The following ROBO1 variants were observed in gnomAD, a reference collection of about 807,000 sequenced individuals.
ROBO1 encodes roundabout homolog 1.
A neutral mutation model predicts 195.9 loss-of-function variants in ROBO1; 149 were observed. The observed-to-expected ratio is 0.76, with a 90% CI of 0.67 to 0.87. The LOEUF is 0.87. ROBO1 is among the 40% of genes least tolerant of loss of function. ROBO1 has a pLI of 0.00. For missense variants in ROBO1, 1,933 were observed against 2,068.3 expected, an observed-to-expected ratio of 0.93 and a Z score of 1.27; for synonymous variants, 816 against 733.2, an observed-to-expected ratio of 1.11 and a Z score of -1.82.
chr3:78,617,871 C>T lies in ROBO1; in HGVS notation c.4046G>A (p.Arg1349His), dbSNP rs752592436. The T allele has an allele frequency of 4.3e-6, 7 of 1,613,866 alleles. No individual in the cohort carries two copies. In the East Asian group the frequency reaches 1.1e-4, roughly 26 times the overall value. ...AKMQTRRLLL[R>H]GLEQTPASSV... ...GGAGGCAGGTGTCTGCTCAAGCCCA[C>T]GTAACAAAAGCCTTCTGGTTTGCAT... Residue 1349 changes from arginine to histidine, a missense_variant, in exon 27 of 31, where the codon CGT becomes CAT. This residue lies in a region of ROBO1 where 1,737 missense variants were observed against 1,882.5 expected (regional missense o/e 0.92). Transcript: ENST00000464233.
chr3:79,349,735 A>T (rs1237699068), intron 2 of ROBO1, among the ~76,000 whole-genome samples: 1 of 152,180 alleles, frequency 6.6e-6, no homozygotes, highest in Non-Finnish European at 1.5e-5. Context: ...TTTTCAACAA[A>T]TGGTTCAGGG....
At chr3:78,963,734 G>A (rs2107855498) in intron 3 of ROBO1, among the ~76,000 whole-genome samples, 1 of 151,882 alleles carries the variant, frequency 6.6e-6, no homozygotes, top group South Asian at 2.1e-4. Context: ...AGCCAGGATG[G>A]TCTCGATCTC....
At chr3:78,887,791 A>T (rs1178046503) in intron 4 of ROBO1, among the ~76,000 whole-genome samples, 1 of 152,128 alleles carries the variant, frequency 6.6e-6, no homozygotes, top group African/African-American at 2.4e-5. Flanking sequence ...ATCTGAATAA[A>T]ATCAGCTCAA....
intron 2 of ROBO1, among the ~76,000 whole-genome samples, chr3:79,229,841 G>A (rs898055968): frequency 6.6e-6 from 1 of 151,984 alleles, no homozygotes; most frequent in Non-Finnish European, 1.5e-5. Context: ...TATCTATGAT[G>A]ACCTTAATTC....
intron 3 of ROBO1, among the ~76,000 whole-genome samples, chr3:79,071,780 T>A (rs1182741175): frequency 6.6e-6 from 1 of 151,450 alleles, no homozygotes; most frequent in Non-Finnish European, 1.5e-5. Flanking sequence ...TGCTTTACCA[T>A]TGTATTCTCA....
At chr3:78,607,764 A>G (rs578153233) in intron 28 of ROBO1, among the ~76,000 whole-genome samples, 3 of 152,250 alleles carry the variant, frequency 2.0e-5, no homozygotes, top group Non-Finnish European at 4.4e-5. Flanking sequence ...CTTATTTGCC[A>G]TCTCTAATCT....
intron 3 of ROBO1, among the ~76,000 whole-genome samples, chr3:79,098,798 T>A (rs1000935708): frequency 6.6e-6 from 1 of 151,852 alleles, no homozygotes; most frequent in African/African-American, 2.4e-5. Context: ...TAATTAATTT[T>A]TTCAGATTTA....
chr3:78,627,570 C>G lies in ROBO1; in HGVS notation c.3627-1G>C. 6.2e-7 allele frequency: 1 copy of G among 1,607,618 alleles called. No homozygotes were observed. Among genetic ancestry groups the G allele is most frequent in the Non-Finnish European group, 8.5e-7 (1 of 1,176,774 alleles). On this transcript the variant is annotated splice_acceptor_variant, in intron 25 of 30. Transcript: ENST00000464233. LOFTEE classifies it high-confidence loss of function. ...GGGACATGGCATTTCTTGGTCATAGCTAAAATAAATGATAAGGATGTGTAG... is the reference window on the plus strand; with the variant it reads ...GGGACATGGCATTTCTTGGTCATAGGTAAAATAAATGATAAGGATGTGTAG...
Position 78,815,977 on chromosome 3 carries a change from G to C in ROBO1, c.500-69077C>G, listed in dbSNP as rs372140169. ...TCCAGAAGACCTAGCTAAGATAACCGATGAAGGTGGCTACAGTAAGCAACA... is the reference window on the plus strand; with the variant it reads ...TCCAGAAGACCTAGCTAAGATAACCCATGAAGGTGGCTACAGTAAGCAACA... On this transcript the variant is annotated intron_variant, in intron 4 of 30. Transcript: ENST00000464233. 5.3e-5 allele frequency among the ~76,000 whole-genome samples: 8 copies of C among 152,206 alleles called. No homozygotes were observed. In the East Asian group the frequency reaches 1.5e-3, roughly 29 times the overall value.
intron 4 of ROBO1, among the ~76,000 whole-genome samples, chr3:78,869,276 T>C (rs1234037813): frequency 1.3e-5 from 2 of 152,202 alleles, no homozygotes; most frequent in African/African-American, 4.8e-5. Context: ...TAATATCATA[T>C]GGGTTGACTC....
chr3:78,869,090 T>C (rs969622443), intron 4 of ROBO1, among the ~76,000 whole-genome samples: 3 of 152,288 alleles, frequency 2.0e-5, no homozygotes, highest in East Asian at 1.9e-4. Flanking sequence ...ATAAGCATTA[T>C]AGTTTTTTTT....
chr3:78,817,742 C>A (rs914330752), intron 4 of ROBO1, among the ~76,000 whole-genome samples: 1 of 152,008 alleles, frequency 6.6e-6, no homozygotes, highest in African/African-American at 2.4e-5. Flanking sequence ...TCTGGAGGTC[C>A]TAAAAAATAG....
At chr3:78,785,573 AC>A (rs1158763846) in intron 4 of ROBO1, among the ~76,000 whole-genome samples, 2 of 152,180 alleles carry the variant, frequency 1.3e-5, no homozygotes, top group African/African-American at 4.8e-5. Flanking sequence ...AAATCTCCTT[AC>A]AAATTCTGGC....
chr3:79,414,577 C>A (rs950468911), intron 2 of ROBO1, among the ~76,000 whole-genome samples: 11 of 152,034 alleles, frequency 7.2e-5, no homozygotes, highest in Non-Finnish European at 1.2e-4. Context: ...AATAAAGAAA[C>A]CTCATTACAT....
At chr3:79,306,930 G>A (rs1445966941) in intron 2 of ROBO1, among the ~76,000 whole-genome samples, 1 of 152,160 alleles carries the variant, frequency 6.6e-6, no homozygotes, top group Non-Finnish European at 1.5e-5. Flanking sequence ...GATTATTCAA[G>A]GGGAAATCTG....
At chr3:79,657,393 T>C (rs1456680194) in intron 1 of ROBO1, among the ~76,000 whole-genome samples, 4 of 152,118 alleles carry the variant, frequency 2.6e-5, no homozygotes, top group Non-Finnish European at 4.4e-5. Context: ...CCTATCCTCT[T>C]GCTTCCAGTG....
intron 3 of ROBO1, among the ~76,000 whole-genome samples, chr3:79,106,044 G>A (rs925976624): frequency 1.3e-5 from 2 of 151,656 alleles, no homozygotes; most frequent in African/African-American, 2.4e-5. Flanking sequence ...AACAAATTTA[G>A]TATGGTAACA....
chr3:79,588,083 A>AT lies in ROBO1; in HGVS notation c.88+1740dup, dbSNP rs538910429. On this transcript the variant is annotated intron_variant, in intron 2 of 30. Transcript: ENST00000464233. ...CCTGAGTAATCAATTTGTGCGGTGA[A>AT]TTTTTTAACTAACTGATAACCAAAC... Among the ~76,000 whole-genome samples the AT allele has an allele frequency of 9.2e-5, 14 of 151,762 alleles. No homozygotes were observed. In the South Asian group the frequency reaches 2.9e-3, roughly 32 times the overall value.
At chr3:79,427,914 G>A (rs1298219594) in intron 2 of ROBO1, among the ~76,000 whole-genome samples, 2 of 151,590 alleles carry the variant, frequency 1.3e-5, no homozygotes, top group Admixed American at 6.6e-5. Flanking sequence ...CCATGATCAC[G>A]GGCAACCAAG....
Sources: allele counts gnomAD v4.1 joint callset (sites outside exome capture counted in the v4.1 genomes callset), GRCh38; gene constraint gnomAD v4.1.1; regional missense constraint gnomAD v4.1.1; transcripts MANE v1.5; gene names NCBI Gene and HGNC (gene_info 2026-07-23, HGNC 2026-07-21).